PLA2G4E: variants seen among roughly 807,000 people sequenced by gnomAD.
PLA2G4E encodes the protein phospholipase A2 group IVE.
PLA2G4E carries 84 observed loss-of-function variants against 109.1 expected under a neutral mutation model. That is an observed-to-expected ratio of 0.77 (90% CI 0.65 to 0.92). PLA2G4E has a LOEUF of 0.92. PLA2G4E is among the 40% of genes least tolerant of loss of function. PLA2G4E has a pLI of 0.00. For missense variants in PLA2G4E, 1,057 were observed against 1,076.6 expected, an observed-to-expected ratio of 0.98 and a Z score of 0.25; for synonymous variants, 469 against 436.1, an observed-to-expected ratio of 1.08 and a Z score of -0.94.
chr15:42,021,882 T>A (rs1420783123), intron 1 of PLA2G4E, among the ~76,000 whole-genome samples: 4 of 151,708 alleles, frequency 2.6e-5, no homozygotes. Context: ...GAGGATGAGA[T>A]CTGAACATGG....
chr15:42,032,936 C>T (rs909477836), intron 1 of PLA2G4E, among the ~76,000 whole-genome samples: 4 of 152,048 alleles, frequency 2.6e-5, no homozygotes, highest in African/African-American at 4.8e-5. Context: ...CAGGGGACTC[C>T]CCCACCCCTC....
chr15:42,041,305 G>C (rs1450293218), intron 1 of PLA2G4E, among the ~76,000 whole-genome samples: 3 of 136,830 alleles, frequency 2.2e-5, no homozygotes. Context: ...CTTAGAAGTG[G>C]TTGATGGGTA....
intron 12 of PLA2G4E, among the ~76,000 whole-genome samples, chr15:41,993,397 G>T (rs1595560491): frequency 6.6e-6 from 1 of 152,150 alleles, no homozygotes; most frequent in East Asian, 1.9e-4. Context: ...GGTGATGTGG[G>T]GTAGCTAGAA....
rs114505400 is a variant in PLA2G4E, at chr15:41,999,674, C to T, written c.937-113G>A. ...CAGCACACACGTGCACACACAGGCG[C>T]TCCATCCCTGCCTCTCTCTTCTGGA... On this transcript the variant is annotated intron_variant, in intron 9 of 19. Coordinates refer to ENST00000399518, the Ensembl canonical transcript of PLA2G4E. 1.6e-3 allele frequency: 2,080 copies of T among 1,328,340 alleles called. 7 individuals are homozygous for T. The highest frequency in any genetic ancestry group is 0.015 in the African/African-American group (1,063 of 68,652). 82.3% of individuals were successfully genotyped at this position (1,328,340 alleles called of 1,614,324 possible). A position where few individuals can be genotyped will look rare whatever the true frequency, so the allele number is the denominator to read the frequency against.
intron 12 of PLA2G4E, among the ~76,000 whole-genome samples, chr15:41,994,407 A>C (rs923056954): frequency 1.3e-5 from 2 of 152,260 alleles, no homozygotes; most frequent in Non-Finnish European, 2.9e-5. Context: ...AAGGCACAGC[A>C]AGGGACCTCA....
chr15:42,018,345 C>G (rs1028834541), intron 1 of PLA2G4E, among the ~76,000 whole-genome samples: 1 of 152,096 alleles, frequency 6.6e-6, no homozygotes, highest in Non-Finnish European at 1.5e-5. Context: ...GTGGTGAGGG[C>G]CAAAGCTTTA....
intron 2 of PLA2G4E, among the ~76,000 whole-genome samples, chr15:42,008,299 G>A (rs1054537099): frequency 1.9e-4 from 29 of 152,388 alleles, no homozygotes; most frequent in African/African-American, 7.0e-4. Flanking sequence ...CTGAGGAGAA[G>A]TGAGGATGAG....
At chr15:41,983,958 A>G (rs772636543) in exon 20 of PLA2G4E, 2 of 1,608,904 alleles carry the variant, frequency 1.2e-6, no homozygotes, top group South Asian at 2.2e-5. Flanking sequence ...CCAGCTCCTC[A>G]GGGCTTCGCT....
intron 1 of PLA2G4E, among the ~76,000 whole-genome samples, chr15:42,036,270 C>T (rs960187891): frequency 6.6e-6 from 1 of 152,178 alleles, no homozygotes; most frequent in Non-Finnish European, 1.5e-5. Flanking sequence ...CCAGGTCGCC[C>T]GCTGGCAGAG....
At chr15:42,001,051 C>G (rs1466802698) in intron 7 of PLA2G4E, 106 bp downstream of exon 7, 1 of 1,187,246 alleles carries the variant, frequency 8.4e-7, no homozygotes, top group Non-Finnish European at 1.2e-6. Flanking sequence ...GCTTTTGGTC[C>G]CCCTGAGCCC....
intron 1 of PLA2G4E, among the ~76,000 whole-genome samples, chr15:42,039,171 A>G (rs1889271664): frequency 6.6e-6 from 1 of 152,204 alleles, no homozygotes; most frequent in Non-Finnish European, 1.5e-5. Flanking sequence ...TTATGAATAT[A>G]CAGCAGTAGT....
chr15:42,028,986 T>G, intron 1 of PLA2G4E, among the ~76,000 whole-genome samples: 1 of 152,156 alleles, frequency 6.6e-6, no homozygotes, highest in African/African-American at 2.4e-5. Flanking sequence ...TTCACTCCAA[T>G]GTAGGTAATG....
intron 2 of PLA2G4E, among the ~76,000 whole-genome samples, chr15:42,012,395 G>C (rs2068544621): frequency 6.6e-6 from 1 of 152,168 alleles, no homozygotes; most frequent in Admixed American, 6.5e-5. Flanking sequence ...CCTGGGACCA[G>C]ACCCTACTTC....
intron 14 of PLA2G4E, 90 bp from the exon 15 acceptor site, chr15:41,989,642 C>A (rs2068209878): frequency 2.0e-6 from 3 of 1,501,926 alleles, no homozygotes; most frequent in African/African-American, 2.8e-5. Flanking sequence ...GCCACTGGCT[C>A]AGGCCTTGGA....
At chr15:41,991,206 G>A (rs552615931) in intron 13 of PLA2G4E, among the ~76,000 whole-genome samples, 1 of 152,132 alleles carries the variant, frequency 6.6e-6, no homozygotes, top group African/African-American at 2.4e-5. Context: ...CAAGAGCAGA[G>A]GCCTCTCAAC....
chr15:42,013,585 GCACA>G (rs150986627), intron 2 of PLA2G4E, 96 bp downstream of exon 2: 5 of 1,079,752 alleles, frequency 4.6e-6, no homozygotes, highest in Non-Finnish European at 6.8e-6. Flanking sequence ...ACGTGCGCGC[GCACA>G]CACACACACG....
chr15:42,006,198 T>G, intron 3 of PLA2G4E, 77 bp from the exon 4 acceptor site: 3 of 1,566,434 alleles, frequency 1.9e-6, no homozygotes, highest in Non-Finnish European at 2.6e-6. Flanking sequence ...GCTTGACCTC[T>G]GTCCTAGCAA....
intron 3 of PLA2G4E, 134 bp downstream of exon 3, chr15:42,007,595 A>G: frequency 8.9e-7 from 1 of 1,129,248 alleles, no homozygotes. Flanking sequence ...GTGGGAAGAC[A>G]GGTTTGTAGG....
At chr15:41,987,237 T>C (rs755281992) in exon 17 of PLA2G4E, 10 of 1,613,840 alleles carry the variant, frequency 6.2e-6, no homozygotes, top group East Asian at 2.2e-5. Context: ...AGACAGGAAG[T>C]TGTGAAACTC....
Sources: gnomAD v4.1 joint callset for allele counts (sites outside exome capture counted in the v4.1 genomes callset) on GRCh38, gnomAD v4.1.1 for gene constraint, MANE v1.5 for transcripts, NCBI Gene and HGNC (gene_info 2026-07-23, HGNC 2026-07-21) for gene names.